Variants in MECOM observed in about 807,000 individuals in gnomAD.
MECOM encodes histone-lysine N-methyltransferase MECOM.
In MECOM, 13 loss-of-function variants were observed where a neutral mutation model predicts 116.3. The observed-to-expected ratio is 0.11, with a 90% CI of 0.07 to 0.18. MECOM has a LOEUF of 0.18. Ranked by LOEUF, MECOM falls within the 10% of genes least tolerant of loss-of-function variation. The pLI is 1.00. For synonymous variants in MECOM, 528 were observed against 535.2 expected (o/e 0.99, Z 0.19); for missense variants, 1,299 against 1,509.0 (o/e 0.86, Z 2.31).
At chr3:169,622,832 G>T (rs1462815797) in intron 1 of MECOM, among the ~76,000 whole-genome samples, 1 of 152,186 alleles carries the variant, frequency 6.6e-6, no homozygotes, top group Non-Finnish European at 1.5e-5. Flanking sequence ...GCTGGGGTCA[G>T]ACTGCCCAGG....
At chr3:169,382,900 C>G (rs1732712555) in intron 1 of MECOM, among the ~76,000 whole-genome samples, 1 of 146,062 alleles carries the variant, frequency 6.8e-6, no homozygotes, top group Admixed American at 6.9e-5. Context: ...AATGGGTTGC[C>G]TCCAGCTCCA....
intron 1 of MECOM, among the ~76,000 whole-genome samples, chr3:169,520,986 A>G (rs1428860843): frequency 6.6e-6 from 1 of 152,204 alleles, no homozygotes; most frequent in Non-Finnish European, 1.5e-5. Flanking sequence ...ATTAAAGCAT[A>G]TACACAAGGT....
chr3:169,368,349 A>C (rs887966224), intron 2 of MECOM, among the ~76,000 whole-genome samples: 1 of 152,054 alleles, frequency 6.6e-6, no homozygotes, highest in African/African-American at 2.4e-5. Context: ...ATTATGTATA[A>C]AGAGAAGCAT....
At chr3:169,609,547 G>A (rs1361465144) in intron 1 of MECOM, among the ~76,000 whole-genome samples, 3 of 151,964 alleles carry the variant, frequency 2.0e-5, no homozygotes, top group Non-Finnish European at 4.4e-5. Flanking sequence ...CAGATTGGTG[G>A]GAGAGGAGTA....
intron 1 of MECOM, among the ~76,000 whole-genome samples, chr3:169,450,075 C>T (rs1302410732): frequency 1.3e-5 from 2 of 152,132 alleles, no homozygotes; most frequent in Admixed American, 6.5e-5. Flanking sequence ...CTTACTCTGT[C>T]TAGGGAATAA....
At chr3:169,512,264 C>T (rs1254992907) in intron 1 of MECOM, among the ~76,000 whole-genome samples, 1 of 152,192 alleles carries the variant, frequency 6.6e-6, no homozygotes, top group Non-Finnish European at 1.5e-5. Flanking sequence ...GAGGCCAAGG[C>T]CAAGACTTAC....
intron 1 of MECOM, among the ~76,000 whole-genome samples, chr3:169,429,414 C>A (rs1375158831): frequency 6.6e-6 from 1 of 152,130 alleles, no homozygotes; most frequent in South Asian, 2.1e-4. Flanking sequence ...GTGAATGTAA[C>A]CTCAGATGCA....
chr3:169,089,102 T>G lies in MECOM; in HGVS notation c.3483A>C (p.Lys1161Asn). Residue 1161 changes from lysine (K) to asparagine (N), a missense_variant, in exon 16 of 17, where the codon AAA (lysine) becomes AAC (asparagine). This residue lies in a region of MECOM where 273 missense variants were observed against 289.3 expected (regional missense o/e 0.94). Coordinates refer to ENST00000651503, the MANE Select transcript of MECOM (RefSeq NM_004991.4). Reference sequence around the variant, plus strand: ...CTTCAGAATATTGATTATCTTCCATTTTCCTCATTTTGAGGCTATCTGTGA... The same window carrying G: ...CTTCAGAATATTGATTATCTTCCATGTTCCTCATTTTGAGGCTATCTGTGA... Reference protein sequence around the residue: ...RHFTDSLKMRKMEDNQYSEAE... With the variant: ...RHFTDSLKMRNMEDNQYSEAE... 1 of 1,610,604 alleles carries G rather than the reference T, an allele frequency of 6.2e-7. No homozygotes were observed. The highest frequency in any genetic ancestry group is 8.5e-7 in the Non-Finnish European group (1 of 1,178,478).
At chr3:169,243,655 T>C (rs1341407395) in intron 2 of MECOM, among the ~76,000 whole-genome samples, 1 of 152,134 alleles carries the variant, frequency 6.6e-6, no homozygotes, top group Non-Finnish European at 1.5e-5. Context: ...GTTTTTCCAC[T>C]TTGGAAAAAA....
chr3:169,569,134 G>T (rs2109426812), intron 1 of MECOM, among the ~76,000 whole-genome samples: 1 of 151,752 alleles, frequency 6.6e-6, no homozygotes, highest in East Asian at 1.9e-4. Flanking sequence ...TCAAAATAAA[G>T]GGATGGAGGA....
At chr3:169,579,477 G>A (rs909886764) in intron 1 of MECOM, among the ~76,000 whole-genome samples, 3 of 152,112 alleles carry the variant, frequency 2.0e-5, no homozygotes, top group Admixed American at 6.5e-5. Context: ...AAACTTGAGC[G>A]CTATCTCTCT....
chr3:169,492,128 C>T (rs1181191222), intron 1 of MECOM, among the ~76,000 whole-genome samples: 1 of 152,214 alleles, frequency 6.6e-6, no homozygotes, highest in Admixed American at 6.5e-5. Flanking sequence ...GTGGCATGAC[C>T]CTACTGACTT....
At chr3:169,174,871 G>A (rs1744915947) in intron 2 of MECOM, among the ~76,000 whole-genome samples, 1 of 152,134 alleles carries the variant, frequency 6.6e-6, no homozygotes, top group Admixed American at 6.6e-5. Context: ...CATTACATAA[G>A]AGATCAAGCA....
intron 1 of MECOM, among the ~76,000 whole-genome samples, chr3:169,402,195 G>A (rs1736014565): frequency 6.6e-6 from 1 of 152,200 alleles, no homozygotes; most frequent in African/African-American, 2.4e-5. Flanking sequence ...TATGTCATGA[G>A]TTAATTTATC....
chr3:169,574,295 C>T (rs562513992), intron 1 of MECOM, among the ~76,000 whole-genome samples: 4 of 152,030 alleles, frequency 2.6e-5, no homozygotes, highest in South Asian at 4.2e-4. Context: ...GTGATTTCAC[C>T]GAGAGATTTA....
intron 3 of MECOM, among the ~76,000 whole-genome samples, chr3:169,141,346 AG>A (rs1738056850): frequency 6.6e-6 from 1 of 152,056 alleles, no homozygotes; most frequent in Admixed American, 6.6e-5. Context: ...CTTTTGTGTT[AG>A]ACAGGTGAGT....
intron 1 of MECOM, among the ~76,000 whole-genome samples, chr3:169,548,740 G>A (rs16854066): frequency 0.22 from 33,109 of 152,028 alleles, 4,639 homozygotes; most frequent in East Asian, 0.7. Context: ...CATCATTCAG[G>A]CCAAAAGAAC....
intron 2 of MECOM, among the ~76,000 whole-genome samples, chr3:169,232,769 CCATT>C (rs1362522705): frequency 3.3e-5 from 5 of 152,150 alleles, no homozygotes; most frequent in African/African-American, 1.2e-4. Flanking sequence ...TTTAACCACA[CCATT>C]CAAAGCTTCA....
chr3:169,569,044 G>C (rs1194548316), intron 1 of MECOM, among the ~76,000 whole-genome samples: 1 of 152,070 alleles, frequency 6.6e-6, no homozygotes, highest in East Asian at 1.9e-4. Context: ...GACACAGACT[G>C]GCAAATTGGG....
Sources: gnomAD v4.1 joint callset for allele counts (sites outside exome capture counted in the v4.1 genomes callset) on GRCh38, gnomAD v4.1.1 for gene constraint, gnomAD v4.1.1 regional missense constraint, MANE v1.5 for transcripts, NCBI Gene and HGNC (gene_info 2026-07-23, HGNC 2026-07-21) for gene names.